The following SFMBT2 variants were observed in gnomAD, a reference collection of about 807,000 sequenced individuals.
SFMBT2 encodes scm-like with four MBT domains protein 2.
Under a neutral mutation model 110.1 loss-of-function variants are expected in SFMBT2, and 38 were observed. That is an observed-to-expected ratio of 0.35 (90% CI 0.27 to 0.45). SFMBT2 has a LOEUF of 0.45. Ranked by LOEUF, SFMBT2 falls within the 20% of genes least tolerant of loss-of-function variation. The pLI, the probability that SFMBT2 is intolerant of heterozygous loss-of-function variation, is 1.00. For synonymous variants in SFMBT2, 425 were observed against 425.4 expected (o/e 1.00, Z 0.01); for missense variants, 1,011 against 1,094.9 (o/e 0.92, Z 1.08).
chr10:7,170,776 G>C lies in SFMBT2; in HGVS notation c.2544+152C>G. On this transcript the variant is annotated intron_variant, in intron 20 of 20. Transcript: ENST00000397167. The surrounding 1 kb of genome is among the most constrained non-coding windows in gnomAD (Gnocchi z 4.6). Reference sequence around the variant, plus strand: ...GTCCCTGCCAGGCAGCTCTCAGCAGGGGCCTTGGAGGGAGAAGGGTCTCGC... The same window carrying C: ...GTCCCTGCCAGGCAGCTCTCAGCAGCGGCCTTGGAGGGAGAAGGGTCTCGC... 1 of 837,338 alleles carries C rather than the reference G, an allele frequency of 1.2e-6. No homozygotes were observed. The highest frequency in any genetic ancestry group is 1.9e-6 in the Non-Finnish European group (1 of 532,668). The allele number at this position is 837,338 out of a possible 1,614,324, so 51.9% of individuals were successfully genotyped here. A position where few individuals can be genotyped will look rare whatever the true frequency, so the allele number is the denominator to read the frequency against.
chr10:7,243,722 G>T lies in SFMBT2; in HGVS notation c.973-17C>A. ...GTTAAAAACCTAAAAGAAAAAAAATGGGGGAGCCAAAGGTTAATTCTTTAG... is the reference window on the plus strand; with the variant it reads ...GTTAAAAACCTAAAAGAAAAAAAATTGGGGAGCCAAAGGTTAATTCTTTAG... On this transcript the variant is annotated splice_polypyrimidine_tract_variant and intron_variant, in intron 8 of 20. Transcript: ENST00000397167. 1.2e-6 allele frequency: 1 copy of T among 866,128 alleles called. No homozygotes were observed. The highest frequency in any genetic ancestry group is 1.3e-5 in the South Asian group (1 of 76,216). The allele number at this position is 866,128 out of a possible 1,614,324, so 53.7% of individuals were successfully genotyped here. A position where few individuals can be genotyped will look rare whatever the true frequency, so the allele number is the denominator to read the frequency against.
At chr10:7,331,911 G>A (rs1588455588) in intron 4 of SFMBT2, among the ~76,000 whole-genome samples, 1 of 151,210 alleles carries the variant, frequency 6.6e-6, no homozygotes, top group East Asian at 1.9e-4. Flanking sequence ...TCAGGAGGCT[G>A]AGGCATGAGA....
intron 7 of SFMBT2, among the ~76,000 whole-genome samples, chr10:7,261,849 CT>C (rs1464347002): frequency 6.6e-6 from 1 of 152,244 alleles, no homozygotes; most frequent in Admixed American, 6.5e-5. Flanking sequence ...TTATCCTTGA[CT>C]TTATGTCATT....
intron 4 of SFMBT2, among the ~76,000 whole-genome samples, chr10:7,349,176 G>A (rs1371573078): frequency 6.6e-6 from 1 of 152,108 alleles, no homozygotes; most frequent in Non-Finnish European, 1.5e-5. Context: ...TCATAAATGT[G>A]AAAATGATCT....
At chr10:7,262,799 A>G (rs917073567) in intron 7 of SFMBT2, among the ~76,000 whole-genome samples, 5 of 152,136 alleles carry the variant, frequency 3.3e-5, no homozygotes, top group African/African-American at 1.2e-4. Flanking sequence ...TGTCTCTTAT[A>G]AGATTTTCTC....
chr10:7,252,354 C>G (rs1840838225), intron 7 of SFMBT2, among the ~76,000 whole-genome samples: 1 of 152,158 alleles, frequency 6.6e-6, no homozygotes. Flanking sequence ...CTGAGATAAC[C>G]CTATCCACTC....
Position 7,163,913 on chromosome 10 carries a change from G to T in SFMBT2, c.2545-3C>A. On this transcript the variant is annotated splice_region_variant and splice_polypyrimidine_tract_variant and intron_variant, in intron 20 of 20. Transcript: ENST00000397167. This position sits in a 1 kb window ranked among gnomAD's most constrained non-coding sequence, Gnocchi z 4.8. ...AGGAGTGCTTGGCCGTCAATATCCT[G>T]CAGGAAAAGAAAGGCAGGTTAGAGA... 1 of 1,611,560 alleles carries T rather than the reference G, an allele frequency of 6.2e-7. No individual in the cohort carries two copies. Among genetic ancestry groups the T allele is most frequent in the South Asian group, 1.1e-5 (1 of 90,756 alleles).
At chr10:7,291,117 T>C (rs1041898997) in intron 4 of SFMBT2, among the ~76,000 whole-genome samples, 2 of 152,180 alleles carry the variant, frequency 1.3e-5, no homozygotes, top group Non-Finnish European at 2.9e-5. Flanking sequence ...ACTGTCAGCC[T>C]AGGCTCCTCA....
intron 1 of SFMBT2, among the ~76,000 whole-genome samples, chr10:7,389,148 GA>G (rs1463460658): frequency 1.3e-5 from 2 of 152,114 alleles, no homozygotes; most frequent in Non-Finnish European, 2.9e-5. Context: ...AGTGTCTGTG[GA>G]AACAGATAAT....
chr10:7,389,301 A>G (rs1039138920), intron 1 of SFMBT2, among the ~76,000 whole-genome samples: 5 of 152,176 alleles, frequency 3.3e-5, no homozygotes, highest in African/African-American at 1.2e-4. Flanking sequence ...TGCAAAATAG[A>G]AACAGTATAT....
chr10:7,186,730 A>G (rs1838425230), intron 16 of SFMBT2, among the ~76,000 whole-genome samples: 1 of 152,182 alleles, frequency 6.6e-6, no homozygotes, highest in African/African-American at 2.4e-5. Context: ...CATTTGCACC[A>G]AAGAAAATAG....
At chr10:7,291,221 A>G (rs971508288) in intron 4 of SFMBT2, among the ~76,000 whole-genome samples, 1 of 152,158 alleles carries the variant, frequency 6.6e-6, no homozygotes, top group Non-Finnish European at 1.5e-5. Flanking sequence ...AGTAATTACA[A>G]TGAAGAGAAA....
At chr10:7,303,995 G>GC (rs1842626280) in intron 4 of SFMBT2, among the ~76,000 whole-genome samples, 1 of 152,282 alleles carries the variant, frequency 6.6e-6, no homozygotes, top group East Asian at 1.9e-4. Flanking sequence ...TGGCCGAAAG[G>GC]CAGGAGCCCA....
At chr10:7,185,959 A>C (rs1838389364) in intron 16 of SFMBT2, among the ~76,000 whole-genome samples, 1 of 152,190 alleles carries the variant, frequency 6.6e-6, no homozygotes, top group Non-Finnish European at 1.5e-5. Flanking sequence ...GAAATGAACT[A>C]CATGAGAAGC....
At chr10:7,213,362 A>T (rs942290305) in intron 11 of SFMBT2, among the ~76,000 whole-genome samples, 1 of 152,172 alleles carries the variant, frequency 6.6e-6, no homozygotes, top group African/African-American at 2.4e-5. Context: ...GACAGCAGGT[A>T]GGAGGCGGCT....
At chr10:7,213,075 TG>T (rs1839404927) in intron 11 of SFMBT2, among the ~76,000 whole-genome samples, 1 of 151,082 alleles carries the variant, frequency 6.6e-6, no homozygotes, top group South Asian at 2.1e-4. Flanking sequence ...CACTGGGGCC[TG>T]TCAAGGGGTG....
intron 7 of SFMBT2, among the ~76,000 whole-genome samples, chr10:7,271,603 T>C (rs1419113023): frequency 6.6e-6 from 1 of 152,168 alleles, no homozygotes; most frequent in African/African-American, 2.4e-5. Flanking sequence ...CTTTGGGGAA[T>C]CTATATTTGA....
Position 7,170,834 on chromosome 10 carries a change from G to A in SFMBT2, c.2544+94C>T, listed in dbSNP as rs374428117. Reference sequence around the variant, plus strand: ...CCGAGCAGCGCCGAAGAACCCCCTCGCAGGTGTCACGAGGAAGCCGGCTAG... The same window carrying A: ...CCGAGCAGCGCCGAAGAACCCCCTCACAGGTGTCACGAGGAAGCCGGCTAG... On this transcript the variant is annotated intron_variant, in intron 20 of 20. Coordinates refer to ENST00000397167, the MANE Select transcript of SFMBT2 (RefSeq NM_001387889.1). This position sits in a 1 kb window ranked among gnomAD's most constrained non-coding sequence, Gnocchi z 4.6. 2.4e-5 allele frequency: 36 copies of A among 1,486,300 alleles called. No homozygotes were observed. The East Asian group carries it at 4.6e-4, about 19-fold the overall frequency. The allele number at this position is 1,486,300 out of a possible 1,614,324, so 92.1% of individuals were successfully genotyped here.
intron 7 of SFMBT2, among the ~76,000 whole-genome samples, chr10:7,271,554 G>T (rs1379425589): frequency 6.6e-6 from 1 of 152,160 alleles, no homozygotes; most frequent in Admixed American, 6.5e-5. Flanking sequence ...AGAGGCTCAA[G>T]TTCATCTGGG....
Sources: gnomAD v4.1 joint callset for allele counts (sites outside exome capture counted in the v4.1 genomes callset) on GRCh38, gnomAD v4.1.1 for gene constraint, Gnocchi (gnomAD v3.1) non-coding constraint, MANE v1.5 for transcripts, NCBI Gene and HGNC (gene_info 2026-07-23, HGNC 2026-07-21) for gene names.